The following SCHIP1 variants were observed in gnomAD, a reference collection of about 807,000 sequenced individuals.
The protein encoded by SCHIP1 is schwannomin interacting protein 1, also known as schwannomin-interacting protein 1.
Under a neutral mutation model 29.7 loss-of-function variants are expected in SCHIP1, and 8 were observed. The ratio of observed to expected loss-of-function variants is 0.27; its 90% CI spans 0.16 to 0.49. The LOEUF is 0.49. SCHIP1 is among the 20% of genes least tolerant of loss of function. SCHIP1 has a pLI of 0.99. For synonymous variants in SCHIP1, 76 were observed against 94.9 expected, an observed-to-expected ratio of 0.80 and a Z score of 1.16; for missense variants, 193 against 294.6, an observed-to-expected ratio of 0.66 and a Z score of 2.52.
chr3:159,758,373 G>T, the SCHIP1 span, among the ~76,000 whole-genome samples: 16 of 152,068 alleles, frequency 1.1e-4, no homozygotes, highest in African/African-American at 3.6e-4. Flanking sequence ...GGCTGGTCTC[G>T]AACTCCTGAC....
the SCHIP1 span, among the ~76,000 whole-genome samples, chr3:159,753,182 T>A: frequency 2.6e-5 from 4 of 152,236 alleles, no homozygotes; most frequent in Non-Finnish European, 4.4e-5. Flanking sequence ...CAAGATCATG[T>A]CACCTAAAAC....
the SCHIP1 span, among the ~76,000 whole-genome samples, chr3:159,365,399 G>T: frequency 6.6e-6 from 1 of 151,962 alleles, no homozygotes; most frequent in Non-Finnish European, 1.5e-5. Context: ...GTGTATCACC[G>T]CTAAGTGTCT....
chr3:159,518,150 G>A, the SCHIP1 span, among the ~76,000 whole-genome samples: 1 of 152,014 alleles, frequency 6.6e-6, no homozygotes, highest in Non-Finnish European at 1.5e-5. Context: ...GATATATAAA[G>A]GTTGAGACTA....
At chr3:159,703,158 A>T in the SCHIP1 span, among the ~76,000 whole-genome samples, 1 of 152,216 alleles carries the variant, frequency 6.6e-6, no homozygotes, top group Non-Finnish European at 1.5e-5. Flanking sequence ...TTCTGTTTAG[A>T]CTGAAGCAGG....
chr3:159,516,883 C>T, the SCHIP1 span, among the ~76,000 whole-genome samples: 1 of 152,146 alleles, frequency 6.6e-6, no homozygotes, highest in African/African-American at 2.4e-5. Flanking sequence ...ATCATTTTAG[C>T]CACTGATCCT....
At chr3:159,532,352 T>C in the SCHIP1 span, among the ~76,000 whole-genome samples, 7 of 152,180 alleles carry the variant, frequency 4.6e-5, no homozygotes, top group Non-Finnish European at 7.3e-5. Context: ...AAGAATGTAA[T>C]AGGCAATCAG....
the SCHIP1 span, among the ~76,000 whole-genome samples, chr3:159,473,674 G>GAAA: frequency 2.1e-3 from 171 of 81,282 alleles, no homozygotes; most frequent in South Asian, 0.015. Context: ...ATGTAACTAC[G>GAAA]AAAAAAAAAA....
At chr3:159,509,712 C>T in the SCHIP1 span, among the ~76,000 whole-genome samples, 1 of 152,174 alleles carries the variant, frequency 6.6e-6, no homozygotes, top group African/African-American at 2.4e-5. Context: ...TATTTTATTT[C>T]TCCTTCACTT....
At chr3:159,442,270 G>A in the SCHIP1 span, among the ~76,000 whole-genome samples, 5 of 152,192 alleles carry the variant, frequency 3.3e-5, no homozygotes, top group Non-Finnish European at 7.3e-5. Context: ...GCTGGCCTTT[G>A]AGACTGGCAG....
At chr3:159,789,690 AATG>A in the SCHIP1 span, among the ~76,000 whole-genome samples, 1 of 152,214 alleles carries the variant, frequency 6.6e-6, no homozygotes, top group Admixed American at 6.5e-5. Flanking sequence ...ATACTTTGAG[AATG>A]ATAAGATTAC....
chr3:159,895,943 G>A (rs190748127), intron 6 of SCHIP1, among the ~76,000 whole-genome samples: 104 of 152,284 alleles, frequency 6.8e-4, no homozygotes, highest in African/African-American at 2.3e-3. Flanking sequence ...TGATCCACCA[G>A]CCTCAGCCTC....
the SCHIP1 span, among the ~76,000 whole-genome samples, chr3:159,665,213 G>A: frequency 4.5e-3 from 683 of 152,274 alleles, 8 homozygotes; most frequent in Admixed American, 0.025. Context: ...AATCTGTAAC[G>A]CGATTGGGAT....
the SCHIP1 span, among the ~76,000 whole-genome samples, chr3:159,740,771 G>GAAAAAAAAAAAAAAA: frequency 5.7e-5 from 6 of 104,896 alleles, no homozygotes; most frequent in South Asian, 3.6e-4. Flanking sequence ...CAAAAAAAAA[G>GAAAAAAAAAAAAAAA]AAAAAAAAAA....
the SCHIP1 span, among the ~76,000 whole-genome samples, chr3:159,302,677 G>A: frequency 6.6e-6 from 1 of 152,200 alleles, no homozygotes; most frequent in Non-Finnish European, 1.5e-5. Flanking sequence ...TGTGCATAAT[G>A]TTGCCTGGAA....
At chr3:159,357,478 G>A in the SCHIP1 span, among the ~76,000 whole-genome samples, 1 of 152,192 alleles carries the variant, frequency 6.6e-6, no homozygotes, top group South Asian at 2.1e-4. Context: ...ACTCAGGTAA[G>A]TTCTATCAAT....
At chr3:159,699,718 G>C in the SCHIP1 span, among the ~76,000 whole-genome samples, 2 of 152,314 alleles carry the variant, frequency 1.3e-5, no homozygotes, top group African/African-American at 4.8e-5. Flanking sequence ...TCATCACTAA[G>C]ATGAGGTATG....
chr3:159,524,172 C>T, the SCHIP1 span, among the ~76,000 whole-genome samples: 1 of 152,206 alleles, frequency 6.6e-6, no homozygotes, highest in Admixed American at 6.5e-5. Flanking sequence ...TAGAAATGTC[C>T]AGCTGCCACA....
chr3:159,635,357 G>A, the SCHIP1 span, among the ~76,000 whole-genome samples: 3 of 152,164 alleles, frequency 2.0e-5, no homozygotes, highest in Non-Finnish European at 4.4e-5. Flanking sequence ...TCAGGGACTC[G>A]AGGGGCAACG....
At chr3:159,797,133 C>T in the SCHIP1 span, among the ~76,000 whole-genome samples, 1 of 152,202 alleles carries the variant, frequency 6.6e-6, no homozygotes, top group Admixed American at 6.5e-5. Flanking sequence ...AACAGTACCA[C>T]TCATTTCTAA....
Sources: allele counts gnomAD v4.1 joint callset (sites outside exome capture counted in the v4.1 genomes callset), GRCh38; gene constraint gnomAD v4.1.1; transcripts MANE v1.5; gene names NCBI Gene and HGNC (gene_info 2026-07-23, HGNC 2026-07-21).